Variants in ADGRL2 observed in about 807,000 individuals in gnomAD.
The protein encoded by ADGRL2 is calcium-independent alpha-latrotoxin receptor 2.
A neutral mutation model predicts 157.4 loss-of-function variants in ADGRL2; 44 were observed. That is an observed-to-expected ratio of 0.28 (90% CI 0.22 to 0.36). ADGRL2 has a LOEUF of 0.36. ADGRL2 is among the 10% of genes least tolerant of loss of function. ADGRL2 has a pLI of 1.00. For missense variants in ADGRL2, 1,510 were observed against 1,768.9 expected, an observed-to-expected ratio of 0.85 and a Z score of 2.63; for synonymous variants, 585 against 624.7, an observed-to-expected ratio of 0.94 and a Z score of 0.95.
rs1659452244 is a variant in ADGRL2, at chr1:81,307,823, C to CT, written c.-302+1319dup. Among the ~76,000 whole-genome samples the CT allele has an allele frequency of 6.0e-5, 4 of 67,096 alleles. 1 individual carries two copies. The highest frequency in any genetic ancestry group is 3.2e-4 in the African/African-American group (4 of 12,530). 44.0% of individuals were successfully genotyped at this position (67,096 alleles called of 152,430 possible). On this transcript the variant is annotated intron_variant, in intron 1 of 24. Transcript: ENST00000370721. ...ATGCCAAAAATGTGCAGTTCTTTTTCTTTTTGATAGAGTCTTCTATTGTAA... is the reference window on the plus strand; with the variant it reads ...ATGCCAAAAATGTGCAGTTCTTTTTCTTTTTTGATAGAGTCTTCTATTGTAA...
At chr1:81,977,422 G>A (rs1003938781) in intron 17 of ADGRL2, among the ~76,000 whole-genome samples, 1 of 151,746 alleles carries the variant, frequency 6.6e-6, no homozygotes, top group African/African-American at 2.4e-5. Context: ...GTATTAACTA[G>A]GAAGAATGAC....
At chr1:81,527,864 G>A (rs1466460800) in intron 2 of ADGRL2, among the ~76,000 whole-genome samples, 3 of 152,028 alleles carry the variant, frequency 2.0e-5, no homozygotes, top group African/African-American at 7.2e-5. Flanking sequence ...TCAGGAGATC[G>A]AGACCATCCT....
At position 81,311,074 on chromosome 1, in the gene ADGRL2, G is replaced by A; in HGVS notation, c.-302+4565G>A. Among the ~76,000 whole-genome samples the A allele has an allele frequency of 1.3e-5, 2 of 152,072 alleles. 1 individual carries two copies. The highest frequency in any genetic ancestry group is 2.9e-5 in the Non-Finnish European group (2 of 68,000). On this transcript the variant is annotated intron_variant, in intron 1 of 24. Transcript: ENST00000370721. Reference sequence around the variant, plus strand: ...CCAAGGGATTTTTCTCACTGAGGAAGGTGTGCAAAAATATTTAAACAACTT... The same window carrying A: ...CCAAGGGATTTTTCTCACTGAGGAAAGTGTGCAAAAATATTTAAACAACTT...
intron 3 of ADGRL2, among the ~76,000 whole-genome samples, chr1:81,641,859 A>G (rs2082224656): frequency 6.6e-6 from 1 of 152,166 alleles, no homozygotes; most frequent in Admixed American, 6.5e-5. Flanking sequence ...TAAATTAAAA[A>G]TAGAAAATTA....
chr1:81,389,053 A>G (rs79475177), intron 1 of ADGRL2, among the ~76,000 whole-genome samples: 5 of 152,088 alleles, frequency 3.3e-5, no homozygotes, highest in Admixed American at 6.6e-5. Flanking sequence ...TACATTCTCA[A>G]CTTGCTTCTC....
chr1:81,767,854 C>CAAAA (rs71592741), intron 2 of ADGRL2, among the ~76,000 whole-genome samples: 6 of 83,992 alleles, frequency 7.1e-5, no homozygotes, highest in East Asian at 2.8e-4. Flanking sequence ...GATCCTGTCT[C>CAAAA]AAAAAAAAAA....
chr1:81,482,255 G>A (rs1017468767), intron 2 of ADGRL2, among the ~76,000 whole-genome samples: 2 of 152,168 alleles, frequency 1.3e-5, no homozygotes, highest in African/African-American at 4.8e-5. Flanking sequence ...CAAACAGAAA[G>A]TTTGAATAAA....
chr1:81,434,585 G>A (rs1249436836), intron 1 of ADGRL2, among the ~76,000 whole-genome samples: 1 of 152,112 alleles, frequency 6.6e-6, no homozygotes, highest in Non-Finnish European at 1.5e-5. Context: ...CAAAACTGTA[G>A]GAAATAAACA....
intron 2 of ADGRL2, among the ~76,000 whole-genome samples, chr1:81,895,511 G>T (rs1007412122): frequency 6.9e-6 from 1 of 145,970 alleles, no homozygotes; most frequent in African/African-American, 2.5e-5. Flanking sequence ...CGTTTCTCCT[G>T]CCTCAGCCTC....
At chr1:81,516,399 C>G (rs964463509) in intron 2 of ADGRL2, among the ~76,000 whole-genome samples, 1 of 152,102 alleles carries the variant, frequency 6.6e-6, no homozygotes, top group African/African-American at 2.4e-5. Flanking sequence ...AAATGCACGT[C>G]TTGTTCCAAG....
intron 1 of ADGRL2, among the ~76,000 whole-genome samples, chr1:81,394,798 T>A (rs557395330): frequency 6.6e-6 from 1 of 152,318 alleles, no homozygotes; most frequent in Admixed American, 6.5e-5. Flanking sequence ...CTATTTTCCA[T>A]AATGGCTACA....
Position 81,978,502 on chromosome 1 carries a change from T to C in ADGRL2, c.3022-1367T>C, listed in dbSNP as rs544788107. Among the ~76,000 whole-genome samples, 11 of 151,886 alleles carry C rather than the reference T, an allele frequency of 7.2e-5. No individual in the cohort carries two copies. The East Asian group carries it at 2.1e-3, about 29-fold the overall frequency. On this transcript the variant is annotated intron_variant, in intron 17 of 23. Transcript: ENST00000686636. ...ACAGAATGTTACCTGCCAACACTTG[T>C]AAAATTTTGCCCATTGACCTCATTT...
chr1:81,622,564 G>C (rs1443560850), intron 3 of ADGRL2, among the ~76,000 whole-genome samples: 2 of 151,992 alleles, frequency 1.3e-5, no homozygotes, highest in Admixed American at 6.6e-5. Flanking sequence ...CTGGGCAACA[G>C]AGTGAGACCC....
At chr1:81,659,958 T>C (rs1469718832) in intron 3 of ADGRL2, among the ~76,000 whole-genome samples, 1 of 152,188 alleles carries the variant, frequency 6.6e-6, no homozygotes, top group African/African-American at 2.4e-5. Flanking sequence ...ATTATTTCAA[T>C]ACACAAATAT....
At position 81,501,854 on chromosome 1, in the gene ADGRL2, A is replaced by G. The variant is rs6663514; in HGVS notation, c.-248+56765A>G. ...GCAGCCACACCTGGCTCCTCTGCAG[A>G]TGGATGCCAGAGAGAAGCAGGGCCA... is the stretch of plus-strand genomic sequence containing the variant. On this transcript the variant is annotated intron_variant, in intron 2 of 24. Coordinates refer to the ADGRL2 transcript ENST00000370721. 6.8e-3 allele frequency: 10,902 copies of G among 1,598,258 alleles called. 104 individuals are homozygous for G. The highest frequency in any genetic ancestry group is 0.032 in the African/African-American group (2,336 of 74,080).
intron 1 of ADGRL2, among the ~76,000 whole-genome samples, chr1:81,827,359 C>G (rs1467353212): frequency 6.6e-6 from 1 of 152,160 alleles, no homozygotes; most frequent in Non-Finnish European, 1.5e-5. Context: ...AACCATCATG[C>G]TAATGGAAGA....
intron 2 of ADGRL2, among the ~76,000 whole-genome samples, chr1:81,863,852 C>A (rs2093458584): frequency 6.6e-6 from 1 of 152,110 alleles, no homozygotes; most frequent in South Asian, 2.1e-4. Flanking sequence ...TTTTACAACA[C>A]CCTAGATAGA....
chr1:81,627,838 G>A (rs1241840680), intron 3 of ADGRL2, among the ~76,000 whole-genome samples: 2 of 152,098 alleles, frequency 1.3e-5, no homozygotes. Context: ...AATATTCCTG[G>A]CCTCAGCTCA....
At chr1:81,366,659 A>G (rs937217374) in intron 1 of ADGRL2, among the ~76,000 whole-genome samples, 2 of 152,190 alleles carry the variant, frequency 1.3e-5, no homozygotes, top group Non-Finnish European at 2.9e-5. Flanking sequence ...TCACATGTAA[A>G]CTGTGAATTT....
Sources: gnomAD v4.1 joint callset for allele counts (sites outside exome capture counted in the v4.1 genomes callset) on GRCh38, gnomAD v4.1.1 for gene constraint, MANE v1.5 for transcripts, NCBI Gene and HGNC (gene_info 2026-07-23, HGNC 2026-07-21) for gene names.